Variants in MYBL2 observed in about 807,000 individuals in gnomAD.
MYBL2 encodes the protein MYB proto-oncogene like 2.
A neutral mutation model predicts 79.9 loss-of-function variants in MYBL2; 28 were observed. The observed-to-expected ratio is 0.35, with a 90% confidence interval of 0.26 to 0.48. The LOEUF is 0.48. Ranked by LOEUF, MYBL2 falls within the 20% of genes least tolerant of loss-of-function variation. The pLI is 0.99. For synonymous variants in MYBL2, 378 were observed against 361.2 expected, an observed-to-expected ratio of 1.05 and a Z score of -0.53; for missense variants, 735 against 893.9, an observed-to-expected ratio of 0.82 and a Z score of 2.27.
chr20:43,679,740 C>T (rs1434622114), intron 2 of MYBL2, among the ~76,000 whole-genome samples: 1 of 151,954 alleles, frequency 6.6e-6, no homozygotes, highest in Non-Finnish European at 1.5e-5. Context: ...GAGATCCTGT[C>T]TCTACAACAA....
intron 9 of MYBL2, among the ~76,000 whole-genome samples, chr20:43,709,495 C>G (rs1234468984): frequency 6.6e-6 from 1 of 152,202 alleles, no homozygotes; most frequent in African/African-American, 2.4e-5. Flanking sequence ...CTCCACGTGT[C>G]CATCACCTCG....
intron 2 of MYBL2, among the ~76,000 whole-genome samples, chr20:43,674,657 G>A (rs573681806): frequency 6.6e-6 from 1 of 151,428 alleles, no homozygotes; most frequent in African/African-American, 2.4e-5. Flanking sequence ...GCCTCCCATA[G>A]TGCTGGGATT....
chr20:43,709,900 C>T (rs777504041), intron 9 of MYBL2, 63 bp from the exon 10 acceptor site: 40 of 1,342,172 alleles, frequency 3.0e-5, no homozygotes, highest in Non-Finnish European at 3.9e-5. Context: ...GGAGCCAGGG[C>T]AGCAGAGTGC....
At chr20:43,710,835 T>A (rs1987888677) in intron 10 of MYBL2, among the ~76,000 whole-genome samples, 1 of 152,188 alleles carries the variant, frequency 6.6e-6, no homozygotes, top group African/African-American at 2.4e-5. Flanking sequence ...AGTGCTCCTT[T>A]CCTGTTGCAG....
chr20:43,711,413 G>C, intron 10 of MYBL2, 75 bp from the exon 11 acceptor site: 1 of 1,161,806 alleles, frequency 8.6e-7, no homozygotes, highest in Non-Finnish European at 1.2e-6. Context: ...GTTGCAGCTG[G>C]GTTGGTCCCA....
intron 5 of MYBL2, among the ~76,000 whole-genome samples, chr20:43,687,313 G>C (rs1050571856): frequency 1.3e-5 from 2 of 152,146 alleles, no homozygotes; most frequent in African/African-American, 4.8e-5. Context: ...GCAAGAAATC[G>C]GGAACCCTGG....
intron 6 of MYBL2, among the ~76,000 whole-genome samples, chr20:43,694,908 A>T (rs1306436508): frequency 2.6e-5 from 4 of 152,204 alleles, no homozygotes; most frequent in African/African-American, 9.6e-5. Flanking sequence ...CTAGTCTCTT[A>T]AAAACTCTAC....
intron 11 of MYBL2, 148 bp from the exon 12 acceptor site, chr20:43,712,854 C>G: frequency 1.6e-6 from 1 of 645,104 alleles, no homozygotes; most frequent in Non-Finnish European, 2.8e-6. Context: ...ATTCTTCTGA[C>G]AGCAGATTCC....
chr20:43,702,400 T>C, intron 7 of MYBL2, 90 bp from the exon 8 acceptor site: 2 of 1,391,726 alleles, frequency 1.4e-6, no homozygotes, highest in Non-Finnish European at 9.9e-7. Flanking sequence ...TGTGGGATCA[T>C]ACTTGACACT....
intron 2 of MYBL2, among the ~76,000 whole-genome samples, chr20:43,679,382 C>T (rs760844213): frequency 6.6e-6 from 1 of 152,234 alleles, no homozygotes; most frequent in Non-Finnish European, 1.5e-5. Context: ...CCCCTTAAAT[C>T]TACCCCTTAA....
At chr20:43,668,621 C>G (rs1986781192) in intron 1 of MYBL2, among the ~76,000 whole-genome samples, 1 of 152,008 alleles carries the variant, frequency 6.6e-6, no homozygotes, top group Non-Finnish European at 1.5e-5. Context: ...TCCTCAGGCC[C>G]CACTTTCCCA....
At chr20:43,696,114 C>T (rs566453849) in intron 6 of MYBL2, among the ~76,000 whole-genome samples, 7 of 152,300 alleles carry the variant, frequency 4.6e-5, no homozygotes, top group Middle Eastern at 3.4e-3. Flanking sequence ...CCCAACTTCT[C>T]CACTCACTGG....
chr20:43,669,467 A>T (rs1986808979), intron 1 of MYBL2, among the ~76,000 whole-genome samples: 2 of 152,168 alleles, frequency 1.3e-5, no homozygotes, highest in African/African-American at 4.8e-5. Context: ...CACTTGCTGT[A>T]ACTCTCCTCT....
rs542283822 is a variant in MYBL2, at chr20:43,702,843, C to T, written c.1305C>T (p.Ser435=). 3.1e-6 allele frequency: 5 copies of T among 1,612,796 alleles called. No homozygotes were observed. In the African/African-American group the frequency reaches 6.7e-5, roughly 21 times the overall value. The part of the protein sequence containing the change: ...ENSTSLSFLD[S]CNSLTPKSTP... ...GCACCAGTCTGTCCTTCCTGGATTC[C>T]TGTAACAGCCTCACGCCCAAGAGCA... Residue 435 remains serine (S), a synonymous_variant, in exon 8 of 14, where the codon TCC becomes TCT. Coordinates refer to ENST00000217026, the MANE Select transcript of MYBL2 (RefSeq NM_002466.4).
chr20:43,713,025 A>G lies in MYBL2; in HGVS notation c.1743A>G (p.Lys581=). The part of the protein sequence containing the change: ...KPGLRRSPIK[K]VRKSLALDIV... ...AGCTGCGGCGGAGCCCCATCAAGAA[A>G]GTCCGGAAGTCTCTGGCTCTTGACA... is the stretch of plus-strand genomic sequence containing the variant. The change falls in exon 12 of 14, where the codon AAA becomes AAG. Residue 581 remains lysine (K), a synonymous_variant. Transcript: ENST00000217026. 1 of 1,612,646 alleles carries G rather than the reference A, an allele frequency of 6.2e-7. No homozygotes were observed. The highest frequency in any genetic ancestry group is 1.1e-5 in the South Asian group (1 of 90,544).
At chr20:43,668,936 G>C (rs774534741) in intron 1 of MYBL2, among the ~76,000 whole-genome samples, 4 of 151,898 alleles carry the variant, frequency 2.6e-5, no homozygotes, top group Non-Finnish European at 5.9e-5. Context: ...GCACAATCTC[G>C]GCTCACTGCA....
chr20:43,680,514 T>C (rs436397), intron 2 of MYBL2, among the ~76,000 whole-genome samples: 141,920 of 152,224 alleles, frequency 0.93, 66,307 homozygotes, highest in African/African-American at 0.97. Context: ...TTGTTTGAGA[T>C]GGAGTCTCAC....
chr20:43,677,771 C>T (rs1000801876), intron 2 of MYBL2, among the ~76,000 whole-genome samples: 1 of 152,178 alleles, frequency 6.6e-6, no homozygotes, highest in African/African-American at 2.4e-5. Flanking sequence ...GTGAGGAGCC[C>T]CTCTGCCCGG....
At position 43,673,189 on chromosome 20, in the gene MYBL2, C is replaced by T. The variant is rs1469893800; in HGVS notation, c.21-617C>T. Among the ~76,000 whole-genome samples the T allele has an allele frequency of 9.3e-5, 14 of 151,066 alleles. 1 individual carries two copies. The highest frequency in any genetic ancestry group is 1.5e-5 in the Non-Finnish European group (1 of 67,874). ...TGAACTCCTGACCTCAAGCAATCCA[C>T]CCACCTCGGCCTCCCAAAGTGCTGG... is the stretch of plus-strand genomic sequence containing the variant. On this transcript the variant is annotated intron_variant, in intron 1 of 13. Coordinates refer to ENST00000217026, the MANE Select transcript of MYBL2 (RefSeq NM_002466.4).
Sources: allele counts gnomAD v4.1 joint callset (sites outside exome capture counted in the v4.1 genomes callset), GRCh38; gene constraint gnomAD v4.1.1; transcripts MANE v1.5; gene names NCBI Gene and HGNC (gene_info 2026-07-23, HGNC 2026-07-21).